VSNL1: variants seen among roughly 807,000 people sequenced by gnomAD.
VSNL1 encodes the protein visinin like 1.
A neutral mutation model predicts 20.4 loss-of-function variants in VSNL1; 6 were observed. The ratio of observed to expected loss-of-function variants is 0.29; its 90% CI spans 0.16 to 0.58. VSNL1 has a LOEUF of 0.58. Ranked by LOEUF, VSNL1 falls within the 20% of genes least tolerant of loss-of-function variation. VSNL1 has a pLI of 0.90. For synonymous variants in VSNL1, 93 were observed against 86.4 expected (o/e 1.08, Z -0.42); for missense variants, 100 against 234.5 (o/e 0.43, Z 3.75).
chr2:17,586,933 G>A (rs1205059434), intron 1 of VSNL1, among the ~76,000 whole-genome samples: 1 of 152,168 alleles, frequency 6.6e-6, no homozygotes, highest in Non-Finnish European at 1.5e-5. Flanking sequence ...AAAGGCAATT[G>A]TTTCAGGATA....
At chr2:17,563,458 G>A (rs1663864937) in intron 1 of VSNL1, among the ~76,000 whole-genome samples, 1 of 152,114 alleles carries the variant, frequency 6.6e-6, no homozygotes, top group South Asian at 2.1e-4. Flanking sequence ...CAGTCACCTT[G>A]TTCAGTTTAT....
At chr2:17,607,106 G>C (rs755305724) in intron 2 of VSNL1, among the ~76,000 whole-genome samples, 2 of 152,166 alleles carry the variant, frequency 1.3e-5, no homozygotes, top group African/African-American at 2.4e-5. Context: ...TTAACCCTTT[G>C]TGTCAAGGCC....
At chr2:17,605,677 G>C (rs779574793) in intron 2 of VSNL1, among the ~76,000 whole-genome samples, 22 of 152,194 alleles carry the variant, frequency 1.4e-4, no homozygotes, top group Non-Finnish European at 2.8e-4. Context: ...GATCACATTT[G>C]ACACCAAGCA....
intron 1 of VSNL1, among the ~76,000 whole-genome samples, chr2:17,552,756 T>A (rs772676188): frequency 2.6e-5 from 4 of 152,134 alleles, no homozygotes; most frequent in Non-Finnish European, 5.9e-5. Flanking sequence ...ATTTTTATAG[T>A]TTATTTGAAT....
intron 2 of VSNL1, among the ~76,000 whole-genome samples, chr2:17,640,252 CAAAAAAAA>C (rs60583462): frequency 1.0e-5 from 1 of 98,862 alleles, no homozygotes; most frequent in Non-Finnish European, 2.0e-5. Flanking sequence ...GACTCTGTTT[CAAAAAAAA>C]AAAAAAAAAG....
At chr2:17,541,466 A>C (rs1317367555) in intron 1 of VSNL1, 1 of 152,224 alleles carries the variant, frequency 6.6e-6, no homozygotes, top group Non-Finnish European at 1.5e-5. Context: ...CATTTCTCTC[A>C]GTATTCAGAA....
intron 1 of VSNL1, among the ~76,000 whole-genome samples, chr2:17,569,765 G>A (rs1664037536): frequency 6.6e-6 from 1 of 151,866 alleles, no homozygotes; most frequent in Non-Finnish European, 1.5e-5. Flanking sequence ...TAATTATTCT[G>A]ATCTTCAAGT....
At chr2:17,548,948 T>C (rs62130446) in intron 1 of VSNL1, among the ~76,000 whole-genome samples, 4,459 of 152,298 alleles carry the variant, frequency 0.029, 64 homozygotes, top group Middle Eastern at 0.054. Context: ...TAATGTTCAG[T>C]TGATGAACAG....
chr2:17,652,682 G>A (rs1463784718), intron 3 of VSNL1, among the ~76,000 whole-genome samples: 1 of 152,234 alleles, frequency 6.6e-6, no homozygotes, highest in Non-Finnish European at 1.5e-5. Flanking sequence ...GCCTGTGTGA[G>A]CACCAAGAGT....
intron 1 of VSNL1, among the ~76,000 whole-genome samples, chr2:17,570,121 T>G (rs1393549079): frequency 6.6e-6 from 1 of 152,242 alleles, no homozygotes; most frequent in African/African-American, 2.4e-5. Context: ...TGAAATACAG[T>G]GAAGAGATTG....
rs528583420 is a variant in VSNL1, at chr2:17,546,659, G to A, written c.-6+5741G>A. Among the ~76,000 whole-genome samples the A allele has an allele frequency of 1.7e-3, 253 of 152,022 alleles. 6 individuals are homozygous for A. The highest frequency in any genetic ancestry group is 0.01 in the Middle Eastern group (3 of 294). On this transcript the variant is annotated intron_variant, in intron 1 of 3. Transcript: ENST00000295156. ...TTCTTGAAGTCCAATTTTAAATTTT[G>A]AGTAAAATGTCCCGTTGGAGACCCA...
intron 2 of VSNL1, among the ~76,000 whole-genome samples, chr2:17,606,568 G>A (rs373259011): frequency 2.0e-5 from 3 of 152,200 alleles, no homozygotes; most frequent in Non-Finnish European, 2.9e-5. Flanking sequence ...CTATGACTGT[G>A]AGGTTGGAGA....
chr2:17,643,102 C>A (rs1038433665), intron 2 of VSNL1, among the ~76,000 whole-genome samples: 8 of 152,280 alleles, frequency 5.3e-5, no homozygotes, highest in Middle Eastern at 3.5e-3. Context: ...TGGCTTATCA[C>A]ATCTGCTTGA....
At chr2:17,648,571 G>A (rs1666050440) in intron 2 of VSNL1, among the ~76,000 whole-genome samples, 1 of 152,182 alleles carries the variant, frequency 6.6e-6, no homozygotes, top group Non-Finnish European at 1.5e-5. Context: ...AATAGCACAT[G>A]GTTTGTTTTT....
At chr2:17,601,772 T>A (rs1229591709) in intron 2 of VSNL1, among the ~76,000 whole-genome samples, 1 of 152,006 alleles carries the variant, frequency 6.6e-6, no homozygotes, top group African/African-American at 2.4e-5. Flanking sequence ...CCGTCTCTAC[T>A]AGAAATACAA....
chr2:17,576,546 T>C (rs927846322), intron 1 of VSNL1, among the ~76,000 whole-genome samples: 6 of 152,224 alleles, frequency 3.9e-5, no homozygotes, highest in Non-Finnish European at 7.3e-5. Flanking sequence ...TGATATTTAA[T>C]ATTTTGTTCA....
At position 17,634,003 on chromosome 2, in the gene VSNL1, TGAG is replaced by T. The variant is rs549726930; in HGVS notation, c.163-15402_163-15400del. On this transcript the variant is annotated intron_variant, in intron 2 of 3. Transcript: ENST00000295156. The surrounding 1 kb of genome is among the most constrained non-coding windows in gnomAD (Gnocchi z 4.3). The stretch of plus-strand genomic sequence containing the variant: ...TGGATCGGCACCAGCTTGGAGTGTC[TGAG>T]GAGGTGAGGGTGGTGGAGAAATGAA... Among the ~76,000 whole-genome samples, 24 of 152,148 alleles carry T rather than the reference TGAG, an allele frequency of 1.6e-4. No homozygotes were observed. In the South Asian group the frequency reaches 2.1e-3, roughly 13 times the overall value.
At chr2:17,567,020 G>C (rs1663963206) in intron 1 of VSNL1, among the ~76,000 whole-genome samples, 1 of 152,052 alleles carries the variant, frequency 6.6e-6, no homozygotes, top group South Asian at 2.1e-4. Flanking sequence ...TTTATAATAA[G>C]CTTAGATATT....
chr2:17,570,536 T>C (rs1352039025), intron 1 of VSNL1, among the ~76,000 whole-genome samples: 3 of 152,194 alleles, frequency 2.0e-5, no homozygotes, highest in African/African-American at 4.8e-5. Flanking sequence ...TGAAAACTTA[T>C]TTCCAAATGC....
Sources: allele counts gnomAD v4.1 joint callset (sites outside exome capture counted in the v4.1 genomes callset), GRCh38; gene constraint gnomAD v4.1.1; non-coding constraint Gnocchi (gnomAD v3.1); transcripts MANE v1.5; gene names NCBI Gene and HGNC (gene_info 2026-07-23, HGNC 2026-07-21).